The following PAK1 variants were observed in gnomAD, a reference collection of about 807,000 sequenced individuals.
PAK1 encodes the protein p21 (RAC1) activated kinase 1.
In PAK1, 29 loss-of-function variants were observed where a neutral mutation model predicts 67.4. The ratio of observed to expected loss-of-function variants is 0.43; its 90% CI spans 0.32 to 0.59. PAK1 has a LOEUF of 0.59. Ranked by LOEUF, PAK1 falls within the 20% of genes least tolerant of loss-of-function variation. The pLI is 0.07. For synonymous variants in PAK1, 223 were observed against 237.4 expected (o/e 0.94, Z 0.56); for missense variants, 337 against 670.7 (o/e 0.50, Z 5.50).
At chr11:77,439,564 T>C (rs1359001506) in intron 1 of PAK1, among the ~76,000 whole-genome samples, 2 of 141,464 alleles carry the variant, frequency 1.4e-5, no homozygotes, top group East Asian at 3.9e-4. Flanking sequence ...TACAATTCTC[T>C]TTTCAGACAA....
chr11:77,379,165 C>G (rs985462200), intron 4 of PAK1, 76 bp downstream of exon 4: 1 of 1,238,184 alleles, frequency 8.1e-7, no homozygotes. Flanking sequence ...TCATCCCAGA[C>G]TAATAGGCAT....
chr11:77,508,417 C>A, the PAK1 span, among the ~76,000 whole-genome samples: 1 of 152,100 alleles, frequency 6.6e-6, no homozygotes. Flanking sequence ...TGTTGGTAAA[C>A]CTGTCCTGTG....
At chr11:77,452,894 A>G (rs1030025921) in intron 1 of PAK1, among the ~76,000 whole-genome samples, 2 of 152,228 alleles carry the variant, frequency 1.3e-5, no homozygotes, top group African/African-American at 4.8e-5. Context: ...AGGTTGGCAC[A>G]TCAGCCCTGC....
Position 77,332,644 on chromosome 11 carries a change from T to C in PAK1, c.1551+86A>G, listed in dbSNP as rs572575857. On this transcript the variant is annotated intron_variant, in intron 14 of 14. Transcript: ENST00000356341. ...GTAGAAGAGAAGCCTAGTTCTATAA[T>C]ATCCAGTACCTTACAAACATGAAGT... 1.5e-5 allele frequency: 16 copies of C among 1,046,860 alleles called. 1 individual carries two copies. Among genetic ancestry groups the C allele is most frequent in the South Asian group, 1.3e-4 (9 of 68,266 alleles). 64.8% of individuals were successfully genotyped at this position (1,046,860 alleles called of 1,614,324 possible).
At chr11:77,490,988 C>T in the PAK1 span, among the ~76,000 whole-genome samples, 3 of 152,090 alleles carry the variant, frequency 2.0e-5, no homozygotes, top group Non-Finnish European at 4.4e-5. Flanking sequence ...GACACAAACA[C>T]TGCGGAAGGC....
At chr11:77,517,771 G>A in the PAK1 span, among the ~76,000 whole-genome samples, 1 of 152,084 alleles carries the variant, frequency 6.6e-6, no homozygotes, top group Non-Finnish European at 1.5e-5. Context: ...TTGTTTTCTT[G>A]CAACTAGACA....
At chr11:77,451,781 G>A (rs1016295083) in intron 1 of PAK1, among the ~76,000 whole-genome samples, 8 of 150,234 alleles carry the variant, frequency 5.3e-5, no homozygotes, top group African/African-American at 2.0e-4. Flanking sequence ...TGTATTTTTA[G>A]TAGAGACGGG....
chr11:77,452,312 C>T (rs980307061), intron 1 of PAK1, among the ~76,000 whole-genome samples: 11 of 152,142 alleles, frequency 7.2e-5, no homozygotes, highest in African/African-American at 2.2e-4. Flanking sequence ...AGTTTGTACC[C>T]AGATCTCATG....
the PAK1 span, among the ~76,000 whole-genome samples, chr11:77,506,976 G>A: frequency 2.6e-5 from 4 of 152,206 alleles, no homozygotes; most frequent in African/African-American, 9.6e-5. Flanking sequence ...TCTTCATCTA[G>A]TTCATTCACT....
the PAK1 span, among the ~76,000 whole-genome samples, chr11:77,496,633 A>T: frequency 1.3e-5 from 2 of 151,996 alleles, no homozygotes; most frequent in African/African-American, 4.8e-5. Context: ...AAGAAAAAGA[A>T]ATAAAAATAA....
At chr11:77,488,139 C>G in the PAK1 span, among the ~76,000 whole-genome samples, 1 of 152,232 alleles carries the variant, frequency 6.6e-6, no homozygotes, top group African/African-American at 2.4e-5. Flanking sequence ...ACTTGGTAAT[C>G]TGGATAATGC....
intron 14 of PAK1, 33 bp downstream of exon 14, chr11:77,332,697 G>C (rs757861719): frequency 1.3e-6 from 2 of 1,594,010 alleles, no homozygotes; most frequent in Admixed American, 1.7e-5. Context: ...GTGATTCCCT[G>C]AATTAGGTGC....
chr11:77,467,601 G>C (rs939601939), intron 1 of PAK1, among the ~76,000 whole-genome samples: 1 of 152,140 alleles, frequency 6.6e-6, no homozygotes, highest in African/African-American at 2.4e-5. Context: ...TTTCAAAATA[G>C]AGATGCCAAG....
intron 1 of PAK1, among the ~76,000 whole-genome samples, chr11:77,404,181 T>C (rs1040036414): frequency 1.3e-5 from 2 of 152,208 alleles, no homozygotes; most frequent in Non-Finnish European, 2.9e-5. Context: ...CTAAGACACT[T>C]TCCTACATAT....
At position 77,336,438 on chromosome 11, in the gene PAK1, G is replaced by A. The variant is rs554501540; in HGVS notation, c.1217-156C>T. 2.0e-5 allele frequency among the ~76,000 whole-genome samples: 3 copies of A among 152,282 alleles called. No individual in the cohort carries two copies. In the East Asian group the frequency reaches 5.8e-4, roughly 29 times the overall value. On this transcript the variant is annotated intron_variant, in intron 12 of 14. Coordinates refer to ENST00000356341, the MANE Select transcript of PAK1 (RefSeq NM_002576.5). ...AAAGTCACTTGACTACCACCTTCAT[G>A]TCTAGCTCCTAGCCTATTTCCTATT...
chr11:77,404,077 T>C (rs1268763369), intron 1 of PAK1, among the ~76,000 whole-genome samples: 1 of 152,162 alleles, frequency 6.6e-6, no homozygotes, highest in Non-Finnish European at 1.5e-5. Flanking sequence ...TGCAGGTACC[T>C]TGGACTTCCC....
chr11:77,418,869 A>G (rs958995154), intron 1 of PAK1, among the ~76,000 whole-genome samples: 3 of 152,236 alleles, frequency 2.0e-5, no homozygotes, highest in Non-Finnish European at 2.9e-5. Flanking sequence ...ACAAAACTAA[A>G]AAGTGCTGCA....
In PAK1 at chr11:77,430,415, G is replaced by C. The variant is rs576417525; in HGVS notation, c.-21-37874C>G. Among the ~76,000 whole-genome samples, 44 of 152,296 alleles carry C rather than the reference G, an allele frequency of 2.9e-4. 1 individual carries two copies. The South Asian group carries it at 8.1e-3, about 28-fold the overall frequency. On this transcript the variant is annotated intron_variant, in intron 1 of 14. Coordinates refer to ENST00000356341, the MANE Select transcript of PAK1 (RefSeq NM_002576.5). ...TGTTCCCATTTTGGCCCAGTCCTAT[G>C]AGTGTCCGAATAACCAGTGACTAAA...
chr11:77,513,543 T>C, the PAK1 span, among the ~76,000 whole-genome samples: 1 of 151,682 alleles, frequency 6.6e-6, no homozygotes, highest in East Asian at 2.0e-4. Flanking sequence ...TGGTGGCACA[T>C]CCCTGTAGTC....
Sources: gnomAD v4.1 joint callset for allele counts (sites outside exome capture counted in the v4.1 genomes callset) on GRCh38, gnomAD v4.1.1 for gene constraint, MANE v1.5 for transcripts, NCBI Gene and HGNC (gene_info 2026-07-23, HGNC 2026-07-21) for gene names.